The following EPHA6 variants were observed in gnomAD, a reference collection of about 807,000 sequenced individuals.
EPHA6 encodes the protein EPH receptor A6.
A neutral mutation model predicts 112.0 loss-of-function variants in EPHA6; 50 were observed. That is an observed-to-expected ratio of 0.45 (90% confidence interval 0.36 to 0.56). The LOEUF (loss-of-function observed/expected upper bound fraction) is 0.56, where lower values mean the gene tolerates loss of function less well. Among genes scored for constraint, EPHA6 ranks in the 20% least tolerant of loss-of-function variants. The pLI is 0.00. For missense variants in EPHA6, 1,280 were observed against 1,417.4 expected (o/e 0.90, Z 1.56); for synonymous variants, 529 against 490.7 (o/e 1.08, Z -1.03).
chr3:97,572,610 G>A (rs2093345602), intron 11 of EPHA6: 1 of 151,966 alleles, frequency 6.6e-6, no homozygotes, highest in Admixed American at 6.6e-5. Context: ...CATGGTTCTT[G>A]GCCTTCTGAT....
At chr3:97,531,760 A>G (rs759612475) in intron 10 of EPHA6, among the ~76,000 whole-genome samples, 5 of 152,090 alleles carry the variant, frequency 3.3e-5, no homozygotes, top group South Asian at 2.1e-4. Context: ...TAATTACCCA[A>G]TGGAGACAAT....
chr3:97,560,399 C>T (rs553803896), intron 11 of EPHA6: 1 of 152,108 alleles, frequency 6.6e-6, no homozygotes, highest in South Asian at 2.1e-4. Context: ...CTACTAGGTA[C>T]ATGTGCTTAC....
In EPHA6 at chr3:97,293,317, C is replaced by T. The variant is rs186160890; in HGVS notation, c.1606+49030C>T. Among the ~76,000 whole-genome samples, 961 of 150,484 alleles carry T rather than the reference C, an allele frequency of 6.4e-3. 7 individuals carry two copies. Among genetic ancestry groups the T allele is most frequent in the Non-Finnish European group, 7.3e-3 (492 of 67,386 alleles). ...ATCCCAGTGAGTGTCCAGCTCTCAGCGGAGAGGAGACCCAGGGTAGGTTGC... is the reference window on the plus strand; with the variant it reads ...ATCCCAGTGAGTGTCCAGCTCTCAGTGGAGAGGAGACCCAGGGTAGGTTGC... On this transcript the variant is annotated intron_variant, in intron 5 of 17. Transcript: ENST00000389672.
chr3:97,362,402 G>A (rs1321685733), intron 5 of EPHA6, among the ~76,000 whole-genome samples: 1 of 151,856 alleles, frequency 6.6e-6, no homozygotes, highest in African/African-American at 2.4e-5. Context: ...CCTCACATGC[G>A]ATATTTAGAA....
chr3:97,026,445 G>T (rs1485530858), intron 3 of EPHA6, among the ~76,000 whole-genome samples: 1 of 152,102 alleles, frequency 6.6e-6, no homozygotes, highest in Non-Finnish European at 1.5e-5. Context: ...GCAGTGGTTT[G>T]TAGTTCTCCT....
At chr3:97,085,588 G>T (rs1369071389) in intron 3 of EPHA6, among the ~76,000 whole-genome samples, 7 of 151,916 alleles carry the variant, frequency 4.6e-5, no homozygotes, top group African/African-American at 1.7e-4. Flanking sequence ...CTAATATAGT[G>T]CATTTCGCAG....
intron 5 of EPHA6, among the ~76,000 whole-genome samples, chr3:97,361,792 C>G (rs1245440826): frequency 6.6e-6 from 1 of 152,022 alleles, no homozygotes; most frequent in African/African-American, 2.4e-5. Flanking sequence ...TTTTAAAGGC[C>G]CTACTTCTCA....
chr3:97,120,397 T>C (rs2048009132), intron 3 of EPHA6, among the ~76,000 whole-genome samples: 1 of 151,862 alleles, frequency 6.6e-6, no homozygotes, highest in Non-Finnish European at 1.5e-5. Flanking sequence ...TATAAAACTT[T>C]GTGTGGCTAT....
At chr3:96,991,052 C>T (rs1290482498) in intron 3 of EPHA6, among the ~76,000 whole-genome samples, 6 of 151,644 alleles carry the variant, frequency 4.0e-5, no homozygotes, top group Non-Finnish European at 7.4e-5. Flanking sequence ...TGCACTGGTG[C>T]GACCATAGCT....
chr3:97,343,583 G>A (rs924354946), intron 5 of EPHA6, among the ~76,000 whole-genome samples: 8 of 152,174 alleles, frequency 5.3e-5, no homozygotes, highest in Non-Finnish European at 1.2e-4. Context: ...TAGTGTGGGT[G>A]TGACCCATAG....
intron 5 of EPHA6, among the ~76,000 whole-genome samples, chr3:97,354,772 G>A (rs1184956609): frequency 6.6e-6 from 1 of 152,084 alleles, no homozygotes. Flanking sequence ...AGAACACCAA[G>A]CAGGTTTAAC....
intron 3 of EPHA6, among the ~76,000 whole-genome samples, chr3:97,020,069 G>A (rs1263216830): frequency 6.6e-6 from 1 of 152,142 alleles, no homozygotes. Context: ...TAGTATGCCA[G>A]TTCTGAGCCT....
At chr3:97,681,064 A>G (rs894152737) in intron 14 of EPHA6, among the ~76,000 whole-genome samples, 1 of 152,144 alleles carries the variant, frequency 6.6e-6, no homozygotes, top group African/African-American at 2.4e-5. Context: ...GCAAGTAGTC[A>G]AATAGTGAAA....
chr3:97,130,497 C>A (rs566078121), intron 3 of EPHA6, among the ~76,000 whole-genome samples: 1 of 152,046 alleles, frequency 6.6e-6, no homozygotes, highest in Non-Finnish European at 1.5e-5. Flanking sequence ...TTCTAGTTGA[C>A]ACATTTTATG....
At chr3:96,838,844 A>G (rs916356548) in intron 1 of EPHA6, among the ~76,000 whole-genome samples, 1 of 152,046 alleles carries the variant, frequency 6.6e-6, no homozygotes, top group Non-Finnish European at 1.5e-5. Context: ...CTCCCCCAAT[A>G]AATATAATGT....
At chr3:97,282,930 T>C (rs2080337517) in intron 5 of EPHA6, among the ~76,000 whole-genome samples, 2 of 152,138 alleles carry the variant, frequency 1.3e-5, no homozygotes, top group African/African-American at 4.8e-5. Flanking sequence ...CAAACCACCA[T>C]GACACACATT....
chr3:97,479,389 C>T, intron 9 of EPHA6, 25 bp downstream of exon 9: 3 of 1,538,116 alleles, frequency 2.0e-6, no homozygotes, highest in Non-Finnish European at 2.7e-6. Context: ...GACTTTCTTT[C>T]ATTATTTTGT....
At chr3:97,542,805 T>C (rs1231650753) in intron 11 of EPHA6, among the ~76,000 whole-genome samples, 2 of 152,234 alleles carry the variant, frequency 1.3e-5, no homozygotes, top group Non-Finnish European at 2.9e-5. Flanking sequence ...TGTGAGATGG[T>C]ATCCCATTGT....
intron 3 of EPHA6, among the ~76,000 whole-genome samples, chr3:97,095,477 T>C (rs1296953734): frequency 6.6e-6 from 1 of 152,028 alleles, no homozygotes; most frequent in Non-Finnish European, 1.5e-5. Context: ...CTGCTTTCTT[T>C]TGTTGTGACC....
Sources: allele counts gnomAD v4.1 joint callset (sites outside exome capture counted in the v4.1 genomes callset), GRCh38; gene constraint gnomAD v4.1.1; transcripts MANE v1.5; gene names NCBI Gene and HGNC (gene_info 2026-07-23, HGNC 2026-07-21).